The following FCHO2 variants were observed in gnomAD, a reference collection of about 807,000 sequenced individuals.
FCHO2 encodes the protein FCH and mu domain containing endocytic adaptor 2.
Under a neutral mutation model 114.1 loss-of-function variants are expected in FCHO2, and 43 were observed. The observed-to-expected ratio is 0.38, with a 90% CI of 0.30 to 0.49. FCHO2 has a LOEUF of 0.49. Ranked by LOEUF, FCHO2 falls within the 20% of genes least tolerant of loss-of-function variation. The pLI is 0.97. For missense variants in FCHO2, 807 were observed against 950.4 expected (o/e 0.85, Z 1.98); for synonymous variants, 293 against 315.2 (o/e 0.93, Z 0.75).
chr5:73,053,131 A>G (rs562399142), intron 13 of FCHO2, among the ~76,000 whole-genome samples: 7 of 152,358 alleles, frequency 4.6e-5, no homozygotes, highest in African/African-American at 1.7e-4. Flanking sequence ...AAGTATATCT[A>G]TATGTGATCA....
intron 18 of FCHO2, among the ~76,000 whole-genome samples, chr5:73,066,575 C>CTTTTTTT (rs3054234): frequency 6.3e-4 from 64 of 101,414 alleles, no homozygotes; most frequent in Non-Finnish European, 7.3e-4. Context: ...AGTGCCTTTT[C>CTTTTTTT]TTTTTTTTTT....
intron 8 of FCHO2, among the ~76,000 whole-genome samples, chr5:73,019,203 G>A (rs1755475263): frequency 1.3e-5 from 2 of 152,164 alleles, no homozygotes; most frequent in Non-Finnish European, 2.9e-5. Flanking sequence ...CATGTATTAG[G>A]AGCTGACTAT....
At chr5:72,960,128 A>G (rs1204666256) in intron 1 of FCHO2, among the ~76,000 whole-genome samples, 2 of 152,198 alleles carry the variant, frequency 1.3e-5, no homozygotes, top group Admixed American at 1.3e-4. Flanking sequence ...TTTCTCCCCT[A>G]CATGTATAAA....
chr5:73,017,144 G>A, intron 7 of FCHO2, 68 bp from the exon 8 acceptor site: 2 of 908,940 alleles, frequency 2.2e-6, no homozygotes, highest in South Asian at 2.1e-5. Context: ...ATTGTCTTGT[G>A]TAAGTTTTAT....
chr5:72,994,904 C>T (rs963103775), intron 5 of FCHO2, among the ~76,000 whole-genome samples: 1 of 151,832 alleles, frequency 6.6e-6, no homozygotes, highest in African/African-American at 2.4e-5. Flanking sequence ...TAAGTGGGAA[C>T]TAAACAATGA....
chr5:72,973,715 T>C (rs913092630), intron 2 of FCHO2, among the ~76,000 whole-genome samples: 53 of 151,170 alleles, frequency 3.5e-4, no homozygotes, highest in African/African-American at 1.3e-3. Flanking sequence ...AGTTCTGCTC[T>C]GATTTTAGTT....
intron 10 of FCHO2, among the ~76,000 whole-genome samples, chr5:73,040,532 C>G (rs1756753701): frequency 6.6e-6 from 1 of 152,070 alleles, no homozygotes; most frequent in Admixed American, 6.6e-5. Flanking sequence ...TTTTAATGAC[C>G]TCACTGTCCT....
intron 14 of FCHO2, 86 bp downstream of exon 14, chr5:73,054,257 A>C: frequency 8.2e-7 from 1 of 1,217,166 alleles, no homozygotes; most frequent in Non-Finnish European, 1.1e-6. Context: ...ATTTGTATTA[A>C]ATTTTTAGAT....
intron 8 of FCHO2, among the ~76,000 whole-genome samples, chr5:73,029,540 G>C (rs949100731): frequency 6.6e-6 from 1 of 152,070 alleles, no homozygotes; most frequent in Non-Finnish European, 1.5e-5. Flanking sequence ...TACTGTATTC[G>C]TCCATTCTAG....
rs755281636 is a variant in FCHO2 at position 73,026,201 on chromosome 5, C to T, written c.797-8456C>T. The stretch of plus-strand genomic sequence containing the variant: ...AGAGGCCAAGTGCAGTGGCTCACAC[C>T]TGTAATCCCAGGACTTTGGGAGGCC... On this transcript the variant is annotated intron_variant, in intron 8 of 25. Transcript: ENST00000430046. Among the ~76,000 whole-genome samples, 73 of 152,288 alleles carry T rather than the reference C, an allele frequency of 4.8e-4. 1 individual carries two copies. The highest frequency in any genetic ancestry group is 1.2e-4 in the Non-Finnish European group (8 of 68,018).
chr5:73,007,814 C>A (rs1199416842), intron 6 of FCHO2, among the ~76,000 whole-genome samples: 1 of 152,036 alleles, frequency 6.6e-6, no homozygotes, highest in Non-Finnish European at 1.5e-5. Flanking sequence ...ATAAGTATTG[C>A]AAAGGAAAAT....
rs1009260995 is a variant in FCHO2, at chr5:73,081,730, G to A, written c.1981-53G>A. Reference sequence around the variant, plus strand: ...GTTCAAGTGTCCATGTCATTAACATGACTTCTTAACTTTTCAGGCCAAAAA... The same window carrying A: ...GTTCAAGTGTCCATGTCATTAACATAACTTCTTAACTTTTCAGGCCAAAAA... On this transcript the variant is annotated intron_variant, in intron 22 of 25. Coordinates refer to ENST00000430046, the MANE Select transcript of FCHO2 (RefSeq NM_138782.3). 21 of 1,333,136 alleles carry A rather than the reference G, an allele frequency of 1.6e-5. No individual in the cohort carries two copies. The Admixed American group carries it at 3.4e-4, about 21-fold the overall frequency. The allele number at this position is 1,333,136 out of a possible 1,614,324, so 82.6% of individuals were successfully genotyped here.
At chr5:73,017,099 G>T in intron 7 of FCHO2, 113 bp from the exon 8 acceptor site, 1 of 633,702 alleles carries the variant, frequency 1.6e-6, no homozygotes, top group South Asian at 2.9e-5. Flanking sequence ...AAGGGCCTTG[G>T]GTCAAAAATA....
At chr5:72,963,480 T>A (rs1333739929) in intron 1 of FCHO2, among the ~76,000 whole-genome samples, 2 of 152,196 alleles carry the variant, frequency 1.3e-5, no homozygotes, top group African/African-American at 4.8e-5. Flanking sequence ...CAGTTGATAT[T>A]ACCATCAAGC....
intron 19 of FCHO2, among the ~76,000 whole-genome samples, chr5:73,072,795 T>C (rs1195723724): frequency 2.6e-5 from 4 of 151,900 alleles, no homozygotes; most frequent in African/African-American, 7.2e-5. Context: ...AACAGAGTTA[T>C]GGAGATGGAT....
chr5:72,990,513 C>G lies in FCHO2; in HGVS notation c.236C>G (p.Ser79Cys). Residue 79 changes from serine to cysteine, a missense_variant, in exon 4 of 26, where the codon TCT (serine) becomes TGT (cysteine). By Grantham distance (112) the Ser-to-Cys change is moderately radical. Coordinates refer to ENST00000430046, the MANE Select transcript of FCHO2 (RefSeq NM_138782.3). ...CCAGTATGGGATGTATTCAAAACAT[C>G]TACAGAGAAATTAGCAAATTGTCAC... ...FAPVWDVFKT[S>C]TEKLANCHLD... The G allele has an allele frequency of 1.3e-6, 2 of 1,535,184 alleles. No individual in the cohort carries two copies. The highest frequency in any genetic ancestry group is 1.8e-6 in the Non-Finnish European group (2 of 1,142,362).
chr5:73,037,051 A>G, intron 9 of FCHO2, 92 bp from the exon 10 acceptor site: 1 of 822,240 alleles, frequency 1.2e-6, no homozygotes, highest in Non-Finnish European at 1.8e-6. Flanking sequence ...GTTATGAGCA[A>G]ATTATGTGTG....
chr5:73,024,707 G>T lies in FCHO2; in HGVS notation c.796+7399G>T, dbSNP rs566959273. 1.3e-3 allele frequency among the ~76,000 whole-genome samples: 197 copies of T among 152,136 alleles called. 1 individual carries two copies. Among genetic ancestry groups the T allele is most frequent in the African/African-American group, 4.5e-3 (187 of 41,490 alleles). ...CCACCTCGGCCTCCCAAAGTGCTGG[G>T]ATTACAGGTGTGAGCCACCGCCCGC... On this transcript the variant is annotated intron_variant, in intron 8 of 25. Coordinates refer to ENST00000430046, the MANE Select transcript of FCHO2 (RefSeq NM_138782.3).
intron 11 of FCHO2, among the ~76,000 whole-genome samples, chr5:73,048,026 GA>G (rs1002398206): frequency 6.6e-6 from 1 of 152,064 alleles, no homozygotes; most frequent in African/African-American, 2.4e-5. Context: ...GTAGAGATGA[GA>G]TATGACTATA....
Sources: allele counts gnomAD v4.1 joint callset (sites outside exome capture counted in the v4.1 genomes callset), GRCh38; gene constraint gnomAD v4.1.1; transcripts MANE v1.5; gene names NCBI Gene and HGNC (gene_info 2026-07-23, HGNC 2026-07-21).